Variants in LPCAT1 observed in about 807,000 individuals in gnomAD.
The protein encoded by LPCAT1 is 1-acylglycerol-3-phosphate O-acyltransferase.
A neutral mutation model predicts 60.9 loss-of-function variants in LPCAT1; 23 were observed. The observed-to-expected ratio is 0.38, with a 90% confidence interval of 0.27 to 0.53. LPCAT1 has a LOEUF of 0.53. Ranked by LOEUF, LPCAT1 falls within the 20% of genes least tolerant of loss-of-function variation. The pLI, the probability that LPCAT1 is intolerant of heterozygous loss-of-function variation, is 0.82. For missense variants in LPCAT1, 622 were observed against 723.6 expected (o/e 0.86, Z 1.61); for synonymous variants, 340 against 301.1 (o/e 1.13, Z -1.34).
At chr5:1,517,873 C>CGGGGGACGAGGGGACA (rs1736551598) in intron 1 of LPCAT1, among the ~76,000 whole-genome samples, 1 of 152,204 alleles carries the variant, frequency 6.6e-6, no homozygotes, top group Non-Finnish European at 1.5e-5. Context: ...CCTCCCCACA[C>CGGGGGACGAGGGGACA]GGGGGACGAG....
intron 11 of LPCAT1, among the ~76,000 whole-genome samples, chr5:1,472,212 CA>C (rs1349460019): frequency 1.3e-5 from 2 of 150,300 alleles, no homozygotes; most frequent in Non-Finnish European, 3.0e-5. Context: ...GAGGAGCACC[CA>C]GGGGCGGAGG....
chr5:1,519,564 G>C (rs1320852821), intron 1 of LPCAT1, among the ~76,000 whole-genome samples: 1 of 152,226 alleles, frequency 6.6e-6, no homozygotes, highest in Admixed American at 6.5e-5. Flanking sequence ...CCTAAGGTCA[G>C]GGCTCCTTGT....
intron 12 of LPCAT1, 45 bp downstream of exon 12, chr5:1,470,781 C>A (rs746487477): frequency 1.2e-5 from 17 of 1,473,434 alleles, no homozygotes; most frequent in Middle Eastern, 1.7e-4. Flanking sequence ...GACGTGACTG[C>A]ACCGCCCTGT....
In LPCAT1 at chr5:1,474,651, C is replaced by G; in HGVS notation, c.934G>C (p.Glu312Gln). ...LGVSVTDYTFEDCQLALAEGQ... is the reference protein window; with the variant it reads ...LGVSVTDYTFQDCQLALAEGQ... ...TCCGCCAGGGCCAGCTGGCAGTCCT[C>G]GAACGTGTAGTCAGTCACGGAGACA... is the stretch of plus-strand genomic sequence containing the variant. Residue 312 changes from glutamate (E) to glutamine (Q), a missense_variant, in exon 10 of 14, where the codon GAG becomes CAG. Transcript: ENST00000283415. The G allele has an allele frequency of 6.2e-7, 1 of 1,613,910 alleles. No individual in the cohort carries two copies. The highest frequency in any genetic ancestry group is 8.5e-7 in the Non-Finnish European group (1 of 1,179,972).
chr5:1,507,327 C>A (rs1440947426), intron 1 of LPCAT1, among the ~76,000 whole-genome samples: 2 of 152,320 alleles, frequency 1.3e-5, no homozygotes, highest in Non-Finnish European at 2.9e-5. Flanking sequence ...AATATGGTCA[C>A]CCTGTGTGAG....
chr5:1,482,717 T>C (rs1393657615), intron 6 of LPCAT1, among the ~76,000 whole-genome samples: 1 of 3,708 alleles, frequency 2.7e-4, no homozygotes, highest in Non-Finnish European at 5.2e-4. Flanking sequence ...CAGGGCAGGC[T>C]GGGGTGGGGT....
At chr5:1,511,157 G>C (rs1459035212) in intron 1 of LPCAT1, among the ~76,000 whole-genome samples, 1 of 152,204 alleles carries the variant, frequency 6.6e-6, no homozygotes, top group South Asian at 2.1e-4. Context: ...TCATGCCCAC[G>C]CAGGCCTTTC....
rs1427461199 is a variant in LPCAT1, at chr5:1,476,488, G to A, written c.899+916C>T. Among the ~76,000 whole-genome samples the A allele has an allele frequency of 1.3e-5, 2 of 152,130 alleles. No homozygotes were observed. The highest frequency in any genetic ancestry group is 2.1e-4 in the South Asian group (1 of 4,824). On this transcript the variant is annotated intron_variant, in intron 9 of 13. Transcript: ENST00000283415. This position sits in a 1 kb window ranked among gnomAD's most constrained non-coding sequence, Gnocchi z 8.6. ...AGGTCAGAGCCAGGCACACTCTGAT[G>A]GGCCCGGCCGTGGCTGTGTTCCCCT... is the stretch of plus-strand genomic sequence containing the variant.
At chr5:1,469,557 ACTT>A (rs1734584543) in intron 12 of LPCAT1, among the ~76,000 whole-genome samples, 1 of 152,168 alleles carries the variant, frequency 6.6e-6, no homozygotes, top group Non-Finnish European at 1.5e-5. Context: ...TGGGCGGATC[ACTT>A]GAGGCCAGGA....
chr5:1,464,960 A>G (rs1191510858), intron 13 of LPCAT1, among the ~76,000 whole-genome samples: 3 of 151,974 alleles, frequency 2.0e-5, no homozygotes, highest in African/African-American at 7.3e-5. Context: ...TGGTAACTAC[A>G]CACATGCACG....
intron 1 of LPCAT1, among the ~76,000 whole-genome samples, chr5:1,503,992 C>T (rs562652550): frequency 6.6e-6 from 1 of 152,352 alleles, no homozygotes; most frequent in Admixed American, 6.5e-5. Context: ...TCTTACAGAA[C>T]CATCTCAGAT....
chr5:1,505,356 G>C (rs1736149869), intron 1 of LPCAT1, among the ~76,000 whole-genome samples: 1 of 152,034 alleles, frequency 6.6e-6, no homozygotes, highest in Non-Finnish European at 1.5e-5. Flanking sequence ...TCCTGAAACA[G>C]CACCGACTGC....
In LPCAT1 at chr5:1,496,033, C is replaced by G. The variant is rs1251933901; in HGVS notation, c.279-1119G>C. ...GGAGGGGGGATTACACAGGTGTGCA[C>G]TTCTTCACCACCTGTTCAGCTGCAT... On this transcript the variant is annotated intron_variant, in intron 2 of 13. Transcript: ENST00000283415. This position sits in a 1 kb window ranked among gnomAD's most constrained non-coding sequence, Gnocchi z 4.7. Among the ~76,000 whole-genome samples, 1 of 152,200 alleles carries G rather than the reference C, an allele frequency of 6.6e-6. No individual in the cohort carries two copies. The highest frequency in any genetic ancestry group is 1.5e-5 in the Non-Finnish European group (1 of 68,036).
rs13170495 is a variant in LPCAT1 at position 1,476,244 on chromosome 5, G to A, written c.899+1160C>T. On this transcript the variant is annotated intron_variant, in intron 9 of 13. Transcript: ENST00000283415. The surrounding 1 kb of genome is among the most constrained non-coding windows in gnomAD (Gnocchi z 8.6). ...CCGGAGCACAGGTGCTGGGCTTGGAGGTGGGAATGCATTCCCCTGGCTCGG... is the reference window on the plus strand; with the variant it reads ...CCGGAGCACAGGTGCTGGGCTTGGAAGTGGGAATGCATTCCCCTGGCTCGG... Among the ~76,000 whole-genome samples the A allele has an allele frequency of 6.6e-6, 1 of 152,150 alleles. No individual in the cohort carries two copies. Among genetic ancestry groups the A allele is most frequent in the Non-Finnish European group, 1.5e-5 (1 of 68,016 alleles).
In LPCAT1 at chr5:1,522,263, T is replaced by A. The variant is rs1428874509; in HGVS notation, c.135+1447A>T. Among the ~76,000 whole-genome samples the A allele has an allele frequency of 6.6e-6, 1 of 152,064 alleles. No individual in the cohort carries two copies. Among genetic ancestry groups the A allele is most frequent in the African/African-American group, 2.4e-5 (1 of 41,408 alleles). On this transcript the variant is annotated intron_variant, in intron 1 of 13. Transcript: ENST00000283415. This position sits in a 1 kb window ranked among gnomAD's most constrained non-coding sequence, Gnocchi z 6.8. ...GTGACCAGGGAGAGAGCCTGGTGGC[T>A]GGGTGGGGGTGAGGATTGAAGAGGA...
At chr5:1,493,201 G>A (rs1735656085) in intron 3 of LPCAT1, among the ~76,000 whole-genome samples, 1 of 152,188 alleles carries the variant, frequency 6.6e-6, no homozygotes, top group African/African-American at 2.4e-5. Context: ...TCCCACCAAG[G>A]ACCATCCCCG....
At chr5:1,516,231 C>T (rs1736502354) in intron 1 of LPCAT1, among the ~76,000 whole-genome samples, 1 of 152,242 alleles carries the variant, frequency 6.6e-6, no homozygotes, top group Admixed American at 6.5e-5. Context: ...GGGCCACTGA[C>T]TGGGCAGACA....
At chr5:1,486,831 C>G (rs554600148) in intron 5 of LPCAT1, among the ~76,000 whole-genome samples, 18 of 152,310 alleles carry the variant, frequency 1.2e-4, no homozygotes, top group African/African-American at 4.3e-4. Context: ...CATGGCTGGA[C>G]CCACTGGAAA....
intron 1 of LPCAT1, among the ~76,000 whole-genome samples, chr5:1,516,509 G>T (rs2126622166): frequency 6.6e-6 from 1 of 152,330 alleles, no homozygotes; most frequent in Non-Finnish European, 1.5e-5. Flanking sequence ...CACTGTCTGT[G>T]CATGGACACC....
Sources: allele counts gnomAD v4.1 joint callset (sites outside exome capture counted in the v4.1 genomes callset), GRCh38; gene constraint gnomAD v4.1.1; non-coding constraint Gnocchi (gnomAD v3.1); transcripts MANE v1.5; gene names NCBI Gene and HGNC (gene_info 2026-07-23, HGNC 2026-07-21).